The following NRG1 variants were observed in gnomAD, a reference collection of about 807,000 sequenced individuals.
NRG1 encodes pro-neuregulin-1, membrane-bound isoform.
NRG1 carries 18 observed loss-of-function variants against 63.8 expected under a neutral mutation model. That is an observed-to-expected ratio of 0.28 (90% confidence interval 0.19 to 0.42). NRG1 has a LOEUF of 0.42. Among genes scored for constraint, NRG1 ranks in the 10% least tolerant of loss-of-function variants. The pLI is 1.00. For synonymous variants in NRG1, 302 were observed against 301.3 expected, an observed-to-expected ratio of 1.00 and a Z score of -0.02; for missense variants, 762 against 814.7, an observed-to-expected ratio of 0.94 and a Z score of 0.79.
chr8:32,094,254 C>T (rs934233358), intron 1 of NRG1, among the ~76,000 whole-genome samples: 1 of 152,036 alleles, frequency 6.6e-6, no homozygotes, highest in Non-Finnish European at 1.5e-5. Flanking sequence ...TTAACAGAAC[C>T]CTATTGAGAT....
At chr8:31,944,994 CT>C (rs1394563164) in intron 1 of NRG1, among the ~76,000 whole-genome samples, 7 of 152,172 alleles carry the variant, frequency 4.6e-5, no homozygotes, top group Non-Finnish European at 1.0e-4. Flanking sequence ...ATCTTGAATT[CT>C]TTTGAAATAG....
intron 1 of NRG1, among the ~76,000 whole-genome samples, chr8:32,395,234 A>C (rs905038243): frequency 6.6e-6 from 1 of 152,184 alleles, no homozygotes; most frequent in Admixed American, 6.5e-5. Flanking sequence ...CAGTTTATTC[A>C]TGTAAGATCA....
chr8:32,672,735 A>G (rs1806013458), intron 5 of NRG1, among the ~76,000 whole-genome samples: 2 of 151,238 alleles, frequency 1.3e-5, no homozygotes, highest in South Asian at 4.2e-4. Context: ...ACCTTACAGC[A>G]CTGTTCTTCT....
chr8:32,027,815 A>C (rs4733285), intron 1 of NRG1, among the ~76,000 whole-genome samples: 147,975 of 152,218 alleles, frequency 0.97, 72,065 homozygotes, highest in East Asian at 1. Context: ...GGGAAATACT[A>C]TAAATGAATA....
chr8:32,537,584 G>C (rs999801706), intron 1 of NRG1, among the ~76,000 whole-genome samples: 1 of 152,170 alleles, frequency 6.6e-6, no homozygotes, highest in Non-Finnish European at 1.5e-5. Flanking sequence ...CACCTGTGCT[G>C]GGTTGGCAGG....
chr8:32,199,331 A>C (rs1230358716), intron 1 of NRG1, among the ~76,000 whole-genome samples: 2 of 152,080 alleles, frequency 1.3e-5, no homozygotes, highest in Non-Finnish European at 2.9e-5. Context: ...CATTCCTGCT[A>C]TATACTTTAA....
At position 32,068,094 on chromosome 8, in the gene NRG1, T is replaced by A. The variant is rs180998666; in HGVS notation, c.37+428663T>A. ...GATTTCTAAGAATGGGATGGCATGG[T>A]TACTGTATAAAGATCATTTGTTCTA... On this transcript the variant is annotated intron_variant, in intron 1 of 10. Transcript: ENST00000519301. Among the ~76,000 whole-genome samples the A allele has an allele frequency of 2.0e-5, 3 of 152,308 alleles. No homozygotes were observed. The East Asian group carries it at 5.8e-4, about 29-fold the overall frequency.
At chr8:31,931,963 T>TTGTGC (rs757495302) in intron 1 of NRG1, among the ~76,000 whole-genome samples, 106 of 152,334 alleles carry the variant, frequency 7.0e-4, no homozygotes, top group Non-Finnish European at 1.1e-3. Flanking sequence ...AGAGCTGTCA[T>TTGTGC]TGTGCTGAGT....
In NRG1 at chr8:32,659,478, C is replaced by A. The variant is rs188608522; in HGVS notation, c.502+42593C>A. On this transcript the variant is annotated intron_variant, in intron 5 of 11. Coordinates refer to ENST00000356819, the Ensembl canonical transcript of NRG1. ...TAAATCTTTAGACCTTGATCATGCA[C>A]CTAATTGGAAATTGTTTTTTGAATG... Among the ~76,000 whole-genome samples the A allele has an allele frequency of 2.6e-5, 4 of 152,116 alleles. No homozygotes were observed. In the East Asian group the frequency reaches 7.7e-4, roughly 29 times the overall value.
At chr8:32,537,280 C>G (rs1299699341) in intron 1 of NRG1, among the ~76,000 whole-genome samples, 1 of 148,698 alleles carries the variant, frequency 6.7e-6, no homozygotes, top group African/African-American at 2.5e-5. Context: ...TTCCTTTTGC[C>G]TCCTCTTACC....
At chr8:32,052,095 A>G (rs575380715) in intron 1 of NRG1, among the ~76,000 whole-genome samples, 1 of 152,068 alleles carries the variant, frequency 6.6e-6, no homozygotes, top group Non-Finnish European at 1.5e-5. Flanking sequence ...TGGGGTTTCT[A>G]TGGGATATAC....
intron 1 of NRG1, among the ~76,000 whole-genome samples, chr8:32,321,237 A>G (rs959373406): frequency 1.3e-5 from 2 of 152,116 alleles, no homozygotes; most frequent in Non-Finnish European, 2.9e-5. Context: ...CACTAAGACA[A>G]TAGGAAAGAA....
At chr8:32,321,497 C>T (rs528260423) in intron 1 of NRG1, among the ~76,000 whole-genome samples, 1 of 147,270 alleles carries the variant, frequency 6.8e-6, no homozygotes, top group African/African-American at 2.5e-5. Context: ...AAAAAAAAAT[C>T]TGACAGCAGT....
intron 1 of NRG1, among the ~76,000 whole-genome samples, chr8:32,308,340 C>G (rs1003946286): frequency 6.6e-6 from 1 of 152,150 alleles, no homozygotes; most frequent in Non-Finnish European, 1.5e-5. Flanking sequence ...TGTTTGCTCT[C>G]TTTCATATAT....
chr8:32,627,447 C>T (rs2129543549), intron 5 of NRG1, among the ~76,000 whole-genome samples: 1 of 152,214 alleles, frequency 6.6e-6, no homozygotes, highest in South Asian at 2.1e-4. Flanking sequence ...TTTAGGCCAT[C>T]TGGAAATGTG....
intron 5 of NRG1, among the ~76,000 whole-genome samples, chr8:32,627,574 C>A (rs1004426072): frequency 5.3e-5 from 8 of 152,254 alleles, no homozygotes; most frequent in Non-Finnish European, 1.0e-4. Context: ...CCCCAAAGTG[C>A]TGGGATTATA....
intron 5 of NRG1, chr8:32,721,631 T>G (rs1820667124): frequency 5.5e-6 from 1 of 181,312 alleles, no homozygotes; most frequent in Admixed American, 6.2e-5. Context: ...GGTTCTTTGA[T>G]CTCCTCTGGC....
At chr8:31,823,174 C>T (rs1429934190) in intron 1 of NRG1, among the ~76,000 whole-genome samples, 1 of 136,722 alleles carries the variant, frequency 7.3e-6, no homozygotes, top group Non-Finnish European at 1.5e-5. Flanking sequence ...TGATGGCTTC[C>T]TCCAAAACAA....
intron 1 of NRG1, among the ~76,000 whole-genome samples, chr8:31,839,862 TC>T (rs953146641): frequency 2.6e-5 from 4 of 152,136 alleles, no homozygotes; most frequent in Non-Finnish European, 5.9e-5. Context: ...GCTGAGCACT[TC>T]CTGTGAAATC....
Sources: allele counts gnomAD v4.1 joint callset (sites outside exome capture counted in the v4.1 genomes callset), GRCh38; gene constraint gnomAD v4.1.1; transcripts MANE v1.5; gene names NCBI Gene and HGNC (gene_info 2026-07-23, HGNC 2026-07-21).